The following COX14 variants were observed in gnomAD, a reference collection of about 807,000 sequenced individuals.
COX14 encodes the protein cytochrome c oxidase assembly factor COX14.
In COX14, 3 loss-of-function variants were observed where a neutral mutation model predicts 5.8. That is an observed-to-expected ratio of 0.51 (90% CI 0.23 to 1.33). The LOEUF (loss-of-function observed/expected upper bound fraction) is 1.33, where lower values mean the gene tolerates loss of function less well. COX14 is among the 40% of genes most tolerant of loss of function. COX14 has a pLI of 0.18. For missense variants in COX14, 72 were observed against 72.1 expected (o/e 1.00, Z 0.01); for synonymous variants, 25 against 26.1 (o/e 0.96, Z 0.13).
At chr12:50,117,066 G>A (rs1363399450) in intron 1 of COX14, among the ~76,000 whole-genome samples, 1 of 152,118 alleles carries the variant, frequency 6.6e-6, no homozygotes, top group Non-Finnish European at 1.5e-5. Flanking sequence ...CTGTAGTGCA[G>A]TGGTACGATC....
At chr12:50,119,489 C>G (rs1469304318) in intron 1 of COX14, among the ~76,000 whole-genome samples, 1 of 152,158 alleles carries the variant, frequency 6.6e-6, no homozygotes, top group Non-Finnish European at 1.5e-5. Context: ...CCCAGGAGTT[C>G]AAGAGCAGCC....
chr12:50,113,546 A>G (rs966759722), intron 1 of COX14, among the ~76,000 whole-genome samples: 25 of 140,868 alleles, frequency 1.8e-4, no homozygotes, highest in Non-Finnish European at 4.7e-5. Context: ...CTCGTGATCC[A>G]CCCGCCTCGG....
intron 1 of COX14, among the ~76,000 whole-genome samples, chr12:50,118,745 G>A (rs974783083): frequency 1.3e-5 from 2 of 151,946 alleles, no homozygotes; most frequent in Non-Finnish European, 2.9e-5. Flanking sequence ...CCAGCCTGGG[G>A]GACAGAGTGA....
intron 1 of COX14, among the ~76,000 whole-genome samples, chr12:50,114,235 A>C (rs1174135185): frequency 6.6e-6 from 1 of 150,702 alleles, no homozygotes; most frequent in African/African-American, 2.4e-5. Context: ...AAAAAAAAAA[A>C]AAACAGGTGT....
chr12:50,120,185 G>A lies in COX14; in HGVS notation c.142G>A (p.Ala48Thr), dbSNP rs749003299. Residue 48 changes from alanine to threonine, a missense_variant, in exon 2 of 2, where the codon GCA becomes ACA. Coordinates refer to ENST00000550487, the MANE Select transcript of COX14 (RefSeq NM_032901.4). ...GTGGCGCAGGGCCCAGCGCCAGGCC[G>A]CAGAAGAACAGAAGACCTCAGGAAT... Reference protein sequence around the residue: ...FQWRRAQRQAAEEQKTSGIM With the variant: ...FQWRRAQRQATEEQKTSGIM 18 of 1,613,978 alleles carry A rather than the reference G, an allele frequency of 1.1e-5. No individual in the cohort carries two copies. The highest frequency in any genetic ancestry group is 6.6e-5 in the South Asian group (6 of 91,072).
chr12:50,113,223 G>A (rs967496132), intron 1 of COX14, among the ~76,000 whole-genome samples: 16 of 151,228 alleles, frequency 1.1e-4, no homozygotes, highest in Admixed American at 2.6e-4. Context: ...AAAGATGATG[G>A]ATACCTTAAA....
At chr12:50,114,206 G>A (rs541858869) in intron 1 of COX14, among the ~76,000 whole-genome samples, 188 of 136,526 alleles carry the variant, frequency 1.4e-3, no homozygotes, top group African/African-American at 5.1e-3. Context: ...CAGGAAGGGG[G>A]ATGTAGTTAA....
chr12:50,114,638 T>A (rs1951062522), intron 1 of COX14, among the ~76,000 whole-genome samples: 1 of 152,092 alleles, frequency 6.6e-6, no homozygotes, highest in Non-Finnish European at 1.5e-5. Flanking sequence ...GGTCTTATCC[T>A]CTCCTTTGGT....
intron 1 of COX14, among the ~76,000 whole-genome samples, chr12:50,113,403 A>G (rs1037128032): frequency 6.8e-6 from 1 of 146,718 alleles, no homozygotes; most frequent in Non-Finnish European, 1.5e-5. Context: ...TTCCGGGTTC[A>G]TGCCATTCTC....
At chr12:50,114,275 G>C (rs1375696154) in intron 1 of COX14, among the ~76,000 whole-genome samples, 1 of 149,440 alleles carries the variant, frequency 6.7e-6, no homozygotes, top group Admixed American at 6.7e-5. Flanking sequence ...TTGAGGGGTG[G>C]AGTTTCACTC....
chr12:50,118,409 C>T, intron 1 of COX14: 2 of 984,620 alleles, frequency 2.0e-6, no homozygotes, highest in Non-Finnish European at 2.4e-6. Flanking sequence ...CTTCGTGCAG[C>T]TTGCACATAC....
intron 1 of COX14, chr12:50,118,403 G>T (rs978685288): frequency 1.4e-5 from 14 of 984,482 alleles, no homozygotes; most frequent in South Asian, 4.7e-5. Context: ...GTCAGTCTTC[G>T]TGCAGCTTGC....
chr12:50,117,761 T>C (rs1021366370), intron 1 of COX14, among the ~76,000 whole-genome samples: 7 of 150,640 alleles, frequency 4.6e-5, no homozygotes, highest in African/African-American at 1.7e-4. Context: ...TTTTTTTTTT[T>C]TTGAGATGGA....
intron 1 of COX14, among the ~76,000 whole-genome samples, chr12:50,116,087 T>C (rs1055103107): frequency 1.3e-4 from 17 of 132,694 alleles, no homozygotes; most frequent in Admixed American, 7.4e-4. Context: ...GCTCAGAATC[T>C]GAAGAGTTTT....
chr12:50,115,794 G>A (rs1445280368), intron 1 of COX14, among the ~76,000 whole-genome samples: 4 of 150,880 alleles, frequency 2.7e-5, no homozygotes, highest in African/African-American at 7.3e-5. Context: ...TCAACGATCC[G>A]TCTGTCTTTG....
At chr12:50,115,697 G>A (rs947873594) in intron 1 of COX14, among the ~76,000 whole-genome samples, 3 of 151,724 alleles carry the variant, frequency 2.0e-5, no homozygotes, top group Admixed American at 6.6e-5. Context: ...GACTACAGGT[G>A]CATGCCACTA....
chr12:50,120,057 A>G lies in COX14; in HGVS notation c.14A>G (p.Lys5Arg), dbSNP rs745754642. 94 of 1,614,014 alleles carry G rather than the reference A, an allele frequency of 5.8e-5. No homozygotes were observed. Among genetic ancestry groups the G allele is most frequent in the East Asian group, 8.9e-5 (4 of 44,896 alleles). Residue 5 changes from lysine (K) to arginine (R), a missense_variant, in exon 2 of 2, where the codon AAG becomes AGG. Lys to Arg is a conservative substitution (Grantham distance 26). Coordinates refer to ENST00000550487, the MANE Select transcript of COX14 (RefSeq NM_032901.4). MPTG[K>R]QLADIGYKTF... Reference sequence around the variant, plus strand: ...GTAGGGGACAAGATGCCAACTGGCAAGCAGCTAGCTGACATTGGCTATAAG... The same window carrying G: ...GTAGGGGACAAGATGCCAACTGGCAGGCAGCTAGCTGACATTGGCTATAAG...
At chr12:50,116,384 C>T (rs1162540758) in intron 1 of COX14, among the ~76,000 whole-genome samples, 6 of 152,208 alleles carry the variant, frequency 3.9e-5, no homozygotes, top group African/African-American at 9.7e-5. Context: ...TGAGCCACTG[C>T]GCCCGGCCTG....
chr12:50,112,669 G>A (rs146280951), intron 1 of COX14, among the ~76,000 whole-genome samples: 20 of 152,210 alleles, frequency 1.3e-4, no homozygotes, highest in African/African-American at 4.6e-4. Context: ...TCCACCTCTT[G>A]ACCGCTTTCA....
Sources: allele counts gnomAD v4.1 joint callset (sites outside exome capture counted in the v4.1 genomes callset), GRCh38; gene constraint gnomAD v4.1.1; transcripts MANE v1.5; gene names NCBI Gene and HGNC (gene_info 2026-07-23, HGNC 2026-07-21).